The following TBC1D12 variants were observed in gnomAD, a reference collection of about 807,000 sequenced individuals.
The protein encoded by TBC1D12 is TBC1 domain family, member 12.
A neutral mutation model predicts 86.7 loss-of-function variants in TBC1D12; 56 were observed. That is an observed-to-expected ratio of 0.65 (90% CI 0.52 to 0.81). The LOEUF is 0.81. TBC1D12 is among the 30% of genes least tolerant of loss of function. The pLI is 0.00. For missense variants in TBC1D12, 1,023 were observed against 1,038.8 expected (o/e 0.98, Z 0.21); for synonymous variants, 421 against 411.7 (o/e 1.02, Z -0.27).
intron 1 of TBC1D12, among the ~76,000 whole-genome samples, chr10:94,423,219 A>T (rs1468503772): frequency 6.6e-6 from 1 of 152,122 alleles, no homozygotes; most frequent in Non-Finnish European, 1.5e-5. Flanking sequence ...TCTGCCTTCC[A>T]AGAGATGCTT....
At chr10:94,507,943 C>T (rs1411879930) in intron 7 of TBC1D12, among the ~76,000 whole-genome samples, 8 of 152,060 alleles carry the variant, frequency 5.3e-5, no homozygotes, top group African/African-American at 1.2e-4. Flanking sequence ...GCTGAGATCA[C>T]GCCATTGCAC....
At chr10:94,412,332 T>G (rs1375347876) in intron 1 of TBC1D12, among the ~76,000 whole-genome samples, 1 of 152,236 alleles carries the variant, frequency 6.6e-6, no homozygotes, top group African/African-American at 2.4e-5. Flanking sequence ...ATCCACTGAT[T>G]TGAAGAAAGG....
At chr10:94,477,004 A>G (rs1295893840) in intron 3 of TBC1D12, among the ~76,000 whole-genome samples, 1 of 152,190 alleles carries the variant, frequency 6.6e-6, no homozygotes, top group Non-Finnish European at 1.5e-5. Context: ...ATAATGTTCA[A>G]TGGAATTGTC....
chr10:94,489,202 C>G (rs2056213491), intron 3 of TBC1D12, among the ~76,000 whole-genome samples: 1 of 152,192 alleles, frequency 6.6e-6, no homozygotes. Context: ...TGGGCGCTTC[C>G]CCTCTGGCTA....
chr10:94,512,908 A>AT (rs141135782), intron 9 of TBC1D12, among the ~76,000 whole-genome samples: 3,057 of 152,284 alleles, frequency 0.02, 37 homozygotes, highest in Non-Finnish European at 0.033. Context: ...AAATAATTTA[A>AT]TTTTTTAGCA....
chr10:94,440,606 G>T (rs1271507986), intron 1 of TBC1D12, among the ~76,000 whole-genome samples: 2 of 152,134 alleles, frequency 1.3e-5, no homozygotes, highest in African/African-American at 2.4e-5. Context: ...TTTGAGTATA[G>T]ATAAATCTAA....
chr10:94,436,941 C>T (rs151270179), intron 1 of TBC1D12, among the ~76,000 whole-genome samples: 3,325 of 152,018 alleles, frequency 0.022, 123 homozygotes, highest in African/African-American at 0.074. Flanking sequence ...CTCTTGACCT[C>T]GTGATCTACC....
intron 2 of TBC1D12, among the ~76,000 whole-genome samples, chr10:94,451,753 C>T (rs1195925674): frequency 2.0e-5 from 3 of 151,972 alleles, no homozygotes; most frequent in Admixed American, 6.6e-5. Context: ...TGCTTGAGTA[C>T]TGGATGTGAA....
At chr10:94,413,252 A>C (rs541157605) in intron 1 of TBC1D12, among the ~76,000 whole-genome samples, 1 of 152,174 alleles carries the variant, frequency 6.6e-6, no homozygotes, top group Non-Finnish European at 1.5e-5. Context: ...ATTTCGGACA[A>C]ATTCATTCTT....
intron 4 of TBC1D12, among the ~76,000 whole-genome samples, chr10:94,495,491 T>A (rs1320774243): frequency 6.6e-6 from 1 of 152,202 alleles, no homozygotes; most frequent in Non-Finnish European, 1.5e-5. Context: ...TTTATTAATT[T>A]TAAAATTTTT....
chr10:94,473,250 C>T (rs905933754), intron 2 of TBC1D12, among the ~76,000 whole-genome samples: 3 of 151,030 alleles, frequency 2.0e-5, no homozygotes, highest in Admixed American at 1.3e-4. Flanking sequence ...ATCCCAGCTA[C>T]TCGGGAGGCT....
At chr10:94,494,376 A>C (rs906867062) in intron 4 of TBC1D12, among the ~76,000 whole-genome samples, 3 of 152,104 alleles carry the variant, frequency 2.0e-5, no homozygotes, top group African/African-American at 7.2e-5. Flanking sequence ...GTTCTGCTTT[A>C]TGGTGCTATT....
intron 3 of TBC1D12, among the ~76,000 whole-genome samples, chr10:94,476,647 T>G (rs1218885344): frequency 2.6e-5 from 4 of 152,206 alleles, no homozygotes; most frequent in African/African-American, 9.6e-5. Flanking sequence ...TTGATAGAAT[T>G]TATCCGAAAT....
At chr10:94,449,481 C>G (rs1248610062) in intron 2 of TBC1D12, among the ~76,000 whole-genome samples, 1 of 151,972 alleles carries the variant, frequency 6.6e-6, no homozygotes, top group Non-Finnish European at 1.5e-5. Context: ...TCAGCTAAAC[C>G]CTGTCTATCC....
intron 2 of TBC1D12, among the ~76,000 whole-genome samples, chr10:94,467,175 CAAAT>C (rs1186385699): frequency 2.0e-5 from 3 of 152,058 alleles, no homozygotes; most frequent in African/African-American, 7.2e-5. Context: ...GTTTAGAACT[CAAAT>C]AATTGCACAA....
At chr10:94,425,904 A>G (rs561658093) in intron 1 of TBC1D12, among the ~76,000 whole-genome samples, 5 of 152,208 alleles carry the variant, frequency 3.3e-5, no homozygotes, top group South Asian at 4.1e-4. Flanking sequence ...TTAAATTTAT[A>G]ATTAAATATT....
At chr10:94,456,511 T>C (rs900411348) in intron 2 of TBC1D12, among the ~76,000 whole-genome samples, 1 of 152,252 alleles carries the variant, frequency 6.6e-6, no homozygotes. Context: ...TCTAGTTTAA[T>C]TTAATTGAGA....
chr10:94,483,431 CCTGT>C (rs1392783192), intron 3 of TBC1D12, among the ~76,000 whole-genome samples: 4 of 152,236 alleles, frequency 2.6e-5, no homozygotes, highest in South Asian at 2.1e-4. Context: ...TTTGATATTG[CCTGT>C]CTGTTTGATA....
chr10:94,480,611 C>T (rs1382129360), intron 3 of TBC1D12, among the ~76,000 whole-genome samples: 1 of 151,834 alleles, frequency 6.6e-6, no homozygotes, highest in African/African-American at 2.4e-5. Flanking sequence ...TCAATTATTC[C>T]CTTTGCATTT....
Sources: allele counts gnomAD v4.1 joint callset (sites outside exome capture counted in the v4.1 genomes callset), GRCh38; gene constraint gnomAD v4.1.1; transcripts MANE v1.5; gene names NCBI Gene and HGNC (gene_info 2026-07-23, HGNC 2026-07-21).